The following FRYL variants were observed in gnomAD, a reference collection of about 807,000 sequenced individuals.
FRYL encodes FRY like transcription coactivator.
In FRYL, 150 loss-of-function variants were observed where a neutral mutation model predicts 351.2. That is an observed-to-expected ratio of 0.43 (90% CI 0.37 to 0.49). The LOEUF is 0.49. Among genes scored for constraint, FRYL ranks in the 20% least tolerant of loss-of-function variants. The pLI is 0.00. For missense variants in FRYL, 3,036 were observed against 3,619.3 expected (o/e 0.84, Z 4.13); for synonymous variants, 1,153 against 1,257.1 (o/e 0.92, Z 1.75).
intron 49 of FRYL, among the ~76,000 whole-genome samples, chr4:48,532,159 T>C (rs553278294): frequency 6.6e-6 from 1 of 152,318 alleles, no homozygotes. Context: ...CCTTGTATTA[T>C]ATTATACATA....
At chr4:48,576,256 A>T (rs764136694) in intron 23 of FRYL, 34 bp from the exon 24 acceptor site, 1 of 1,475,136 alleles carries the variant, frequency 6.8e-7, no homozygotes, top group East Asian at 2.4e-5. Flanking sequence ...GGCAGATATG[A>T]ATAACACAAC....
chr4:48,739,370 C>CA (rs1771794247), intron 1 of FRYL, among the ~76,000 whole-genome samples: 1 of 138,566 alleles, frequency 7.2e-6, no homozygotes, highest in Non-Finnish European at 1.5e-5. Context: ...CACTACACTC[C>CA]AGCCTGGGTG....
At chr4:48,504,404 G>A (rs1189214098) in intron 60 of FRYL, among the ~76,000 whole-genome samples, 2 of 152,114 alleles carry the variant, frequency 1.3e-5, no homozygotes, top group Non-Finnish European at 2.9e-5. Flanking sequence ...CTTCAAGGTA[G>A]AGGGGATATA....
intron 7 of FRYL, among the ~76,000 whole-genome samples, chr4:48,611,703 G>T (rs1239372523): frequency 6.6e-6 from 1 of 151,976 alleles, no homozygotes; most frequent in Non-Finnish European, 1.5e-5. Flanking sequence ...GAGCTGCAAT[G>T]AATCTATAAA....
intron 33 of FRYL, among the ~76,000 whole-genome samples, chr4:48,558,176 T>C (rs527944415): frequency 8.5e-5 from 13 of 152,280 alleles, no homozygotes; most frequent in Admixed American, 4.6e-4. Flanking sequence ...TAAATGTCCA[T>C]TGACAGATGA....
At chr4:48,770,281 AT>A (rs896854759) in intron 1 of FRYL, among the ~76,000 whole-genome samples, 4 of 152,270 alleles carry the variant, frequency 2.6e-5, no homozygotes, top group Admixed American at 1.3e-4. Flanking sequence ...TTAAAAAAAA[AT>A]GTTTAAGTGA....
chr4:48,589,744 C>T lies in FRYL; in HGVS notation c.1640+1G>A, dbSNP rs761380075. 3 of 1,612,346 alleles carry T rather than the reference C, an allele frequency of 1.9e-6. No individual in the cohort carries two copies. The highest frequency in any genetic ancestry group is 1.7e-5 in the Admixed American group (1 of 59,752). ...ATGAAGGCACATAATTTACTACATA[C>T]GTAATCATGTCTTCAGGCTCCTTAT... On this transcript the variant is annotated splice_donor_variant, in intron 18 of 63. Coordinates refer to ENST00000358350, the MANE Select transcript of FRYL (RefSeq NM_015030.2). LOFTEE classifies it high-confidence loss of function.
At chr4:48,705,923 A>G (rs963971238) in intron 2 of FRYL, among the ~76,000 whole-genome samples, 4 of 151,370 alleles carry the variant, frequency 2.6e-5, no homozygotes, top group Non-Finnish European at 4.4e-5. Context: ...TGCAACCTCT[A>G]CCTCCTGGGT....
intron 1 of FRYL, among the ~76,000 whole-genome samples, chr4:48,759,949 G>A (rs1335850975): frequency 6.6e-6 from 1 of 152,110 alleles, no homozygotes; most frequent in African/African-American, 2.4e-5. Context: ...TCTTTGGAGG[G>A]CTCCTATTCT....
chr4:48,500,851 A>G (rs1254872060), intron 62 of FRYL, among the ~76,000 whole-genome samples: 1 of 152,134 alleles, frequency 6.6e-6, no homozygotes, highest in Non-Finnish European at 1.5e-5. Flanking sequence ...TTGGCAGGCC[A>G]AGGCAGTGGG....
chr4:48,588,689 C>T (rs1742637530), intron 18 of FRYL, among the ~76,000 whole-genome samples: 1 of 152,204 alleles, frequency 6.6e-6, no homozygotes, highest in African/African-American at 2.4e-5. Context: ...CTCTTTCTCT[C>T]TCTCTCTACA....
chr4:48,595,639 C>G lies in FRYL; in HGVS notation c.1199G>C (p.Arg400Pro). 6.2e-7 allele frequency: 1 copy of G among 1,613,254 alleles called. No homozygotes were observed. The highest frequency in any genetic ancestry group is 8.5e-7 in the Non-Finnish European group (1 of 1,179,532). ...CACAAATATATTGAGAGGTGTGTCA[C>G]GAGGAACCACACTTCGTGAGCCTTT... is the stretch of plus-strand genomic sequence containing the variant. ...FPKGSRSVVPRDTPLNIFVKI... is the reference protein window; with the variant it reads ...FPKGSRSVVPPDTPLNIFVKI... Residue 400 changes from arginine (R) to proline (P), a missense_variant, in exon 15 of 64, where the codon CGT becomes CCT. This residue lies in a region of FRYL where 457 missense variants were observed against 566.6 expected (regional missense o/e 0.81). Coordinates refer to ENST00000358350, the MANE Select transcript of FRYL (RefSeq NM_015030.2).
rs747975791 is a variant in FRYL, at chr4:48,528,046, C to T, written c.7066-1G>A. The T allele has an allele frequency of 6.4e-7, 1 of 1,567,566 alleles. No individual in the cohort carries two copies. Among genetic ancestry groups the T allele is most frequent in the Non-Finnish European group, 8.6e-7 (1 of 1,164,780 alleles). On this transcript the variant is annotated splice_acceptor_variant, in intron 51 of 63. Coordinates refer to ENST00000358350, the MANE Select transcript of FRYL (RefSeq NM_015030.2). LOFTEE classifies it high-confidence loss of function. ...TCATTAGCTTTTCTCTTGTTCTTCG[C>T]TAAAGGAAAAAAAAAAATTAAAATG...
At chr4:48,762,348 C>T (rs1193901423) in intron 1 of FRYL, among the ~76,000 whole-genome samples, 1 of 152,170 alleles carries the variant, frequency 6.6e-6, no homozygotes, top group African/African-American at 2.4e-5. Context: ...AATGTATGAA[C>T]ATCCTTCTTA....
rs535121759 is a variant in FRYL at position 48,575,369 on chromosome 4, A to C, written c.2722-128T>G. On this transcript the variant is annotated intron_variant, in intron 24 of 63. Transcript: ENST00000358350. ...GAAACTTTACTATGAATGATACCTC[A>C]AATTTCACCTGGGGTGTACATAACT... 1.5e-4 allele frequency: 140 copies of C among 942,052 alleles called. No homozygotes were observed. The African/African-American group carries it at 2.2e-3, about 14-fold the overall frequency. The allele number at this position is 942,052 out of a possible 1,614,324, so 58.4% of individuals were successfully genotyped here.
At chr4:48,687,410 T>C (rs1328878401) in intron 2 of FRYL, among the ~76,000 whole-genome samples, 1 of 147,292 alleles carries the variant, frequency 6.8e-6, no homozygotes, top group Non-Finnish European at 1.5e-5. Flanking sequence ...GCCAGAGTAA[T>C]AATGTGGAAG....
chr4:48,775,760 A>G (rs998975728), intron 1 of FRYL, among the ~76,000 whole-genome samples: 2 of 152,204 alleles, frequency 1.3e-5, no homozygotes, highest in African/African-American at 4.8e-5. Context: ...TACTCCAAAA[A>G]TATTCTGGGG....
intron 3 of FRYL, among the ~76,000 whole-genome samples, chr4:48,648,204 C>T (rs960253212): frequency 6.6e-6 from 1 of 152,136 alleles, no homozygotes; most frequent in African/African-American, 2.4e-5. Flanking sequence ...CCTGGCACCA[C>T]CCCAAAGACA....
chr4:48,671,874 A>AAAAAAAAAAAAAAAAAAAAAAAG, intron 3 of FRYL, among the ~76,000 whole-genome samples: 1 of 23,008 alleles, frequency 4.3e-5, no homozygotes, highest in Non-Finnish European at 8.4e-5. Flanking sequence ...AAAAAAAAAC[A>AAAAAAAAAAAAAAAAAAAAAAAG]AAAAAAAAAA....
Sources: allele counts gnomAD v4.1 joint callset (sites outside exome capture counted in the v4.1 genomes callset), GRCh38; gene constraint gnomAD v4.1.1; regional missense constraint gnomAD v4.1.1; transcripts MANE v1.5; gene names NCBI Gene and HGNC (gene_info 2026-07-23, HGNC 2026-07-21).